The following ZNF783 variants were observed in gnomAD, a reference collection of about 807,000 sequenced individuals.
The protein encoded by ZNF783 is zinc finger protein 783, also known as protein ZNF783.
Under a neutral mutation model 31.3 loss-of-function variants are expected in ZNF783, and 25 were observed. The observed-to-expected ratio is 0.80, with a 90% CI of 0.58 to 1.11. The LOEUF is 1.11. Ranked by LOEUF, ZNF783 falls within the 50% of genes most tolerant of loss-of-function variation. The pLI, the probability that ZNF783 is intolerant of heterozygous loss-of-function variation, is 0.00. For synonymous variants in ZNF783, 369 were observed against 319.1 expected, an observed-to-expected ratio of 1.16 and a Z score of -1.66; for missense variants, 797 against 760.0, an observed-to-expected ratio of 1.05 and a Z score of -0.57.
In ZNF783 at chr7:149,267,003, G is replaced by A. The variant is rs1021538885; in HGVS notation, c.547+58G>A. 10 of 1,613,424 alleles carry A rather than the reference G, an allele frequency of 6.2e-6. No individual in the cohort carries two copies. The African/African-American group carries it at 1.2e-4, about 19-fold the overall frequency. ...TCCACAGGTTGTCTGTGGACAGTCTGTGTCTTTGCTTTGGCTTTTGGTACT... is the reference window on the plus strand; with the variant it reads ...TCCACAGGTTGTCTGTGGACAGTCTATGTCTTTGCTTTGGCTTTTGGTACT... On this transcript the variant is annotated intron_variant, in intron 3 of 5. Transcript: ENST00000434415.
At position 149,266,644 on chromosome 7, in the gene ZNF783, C is replaced by T. The variant is rs372926024; in HGVS notation, c.334C>T (p.Arg112Trp). ...LLQEYGLLQR[R>W]LENVENLLRN... is the part of the protein sequence containing the mutation. ...GCAGGAGTACGGGCTGCTGCAGAGGCGGCTGGAGAATGTGGAGAACTTGCT... is the reference window on the plus strand; with the variant it reads ...GCAGGAGTACGGGCTGCTGCAGAGGTGGCTGGAGAATGTGGAGAACTTGCT... Residue 112 changes from arginine to tryptophan, a missense_variant, in exon 2 of 6, where the codon CGG becomes TGG. Physicochemically the swap from Arg to Trp is moderately radical, Grantham distance 101. Coordinates refer to ENST00000434415, the MANE Select transcript of ZNF783 (RefSeq NM_001195220.2). 66 of 1,613,976 alleles carry T rather than the reference C, an allele frequency of 4.1e-5. No homozygotes were observed. The highest frequency in any genetic ancestry group is 1.1e-4 in the African/African-American group (8 of 74,894).
chr7:149,268,834 A>T (rs1321598849), intron 4 of ZNF783, among the ~76,000 whole-genome samples: 1 of 152,082 alleles, frequency 6.6e-6, no homozygotes, highest in Admixed American at 6.6e-5. Context: ...CATTTTCTTT[A>T]TTCAGTCCAC....
chr7:149,279,632 G>GTTTTTTTTTTTTTTTT (rs764203926), intron 5 of ZNF783, among the ~76,000 whole-genome samples: 1 of 100,342 alleles, frequency 1.0e-5, no homozygotes, highest in Non-Finnish European at 2.0e-5. Flanking sequence ...TTTTATCTTT[G>GTTTTTTTTTTTTTTTT]TTTTTTTTTT....
chr7:149,269,785 G>A (rs1219264554), intron 4 of ZNF783, among the ~76,000 whole-genome samples: 3 of 151,760 alleles, frequency 2.0e-5, no homozygotes, highest in Admixed American at 2.0e-4. Flanking sequence ...TCGTCACTTA[G>A]TATTAGGTAT....
chr7:149,266,510 T>G lies in ZNF783; in HGVS notation c.200T>G (p.Leu67Arg). ...TCCTGCCTGACCCGCTTGCTGACTC[T>G]GGAGGGGCGCACGGGGACAGCCGAG... ...VDSCLTRLLT[L>R]EGRTGTAEKK... is the part of the protein sequence containing the mutation. The change falls in exon 2 of 6, where the codon CTG (leucine) becomes CGG (arginine). Residue 67 changes from leucine to arginine, a missense_variant. Transcript: ENST00000434415. The G allele has an allele frequency of 6.2e-7, 1 of 1,613,918 alleles. No homozygotes were observed. The highest frequency in any genetic ancestry group is 8.5e-7 in the Non-Finnish European group (1 of 1,180,004).
intron 4 of ZNF783, among the ~76,000 whole-genome samples, chr7:149,274,211 T>G (rs1323099122): frequency 2.0e-5 from 3 of 152,148 alleles, no homozygotes; most frequent in African/African-American, 7.2e-5. Context: ...GGTCTTATAT[T>G]TAAGTTTTTA....
intron 5 of ZNF783, among the ~76,000 whole-genome samples, chr7:149,279,958 C>T (rs930994588): frequency 2.0e-4 from 31 of 151,688 alleles, no homozygotes; most frequent in Admixed American, 1.6e-3. Context: ...ATTGTCATCC[C>T]GGCCCGTTCT....
chr7:149,266,487 C>T lies in ZNF783; in HGVS notation c.177C>T (p.Ser59=). Reference sequence around the variant, plus strand: ...AGGCCTTGGAGAAGAAGGTGGATTCCTGCCTGACCCGCTTGCTGACTCTGG... The same window carrying T: ...AGGCCTTGGAGAAGAAGGTGGATTCTTGCCTGACCCGCTTGCTGACTCTGG... The part of the protein sequence containing the change: ...AIQALEKKVD[S]CLTRLLTLEG... The change falls in exon 2 of 6, where the codon TCC becomes TCT. Residue 59 remains serine (S), a synonymous_variant. Coordinates refer to ENST00000434415, the MANE Select transcript of ZNF783 (RefSeq NM_001195220.2). 1 of 1,613,144 alleles carries T rather than the reference C, an allele frequency of 6.2e-7. No homozygotes were observed. Among genetic ancestry groups the T allele is most frequent in the Non-Finnish European group, 8.5e-7 (1 of 1,180,028 alleles).
Position 149,266,445 on chromosome 7 carries a change from G to A in ZNF783, c.135G>A (p.Thr45=), listed in dbSNP as rs766903514. 1.4e-5 allele frequency: 22 copies of A among 1,606,448 alleles called. No individual in the cohort carries two copies. Among genetic ancestry groups the A allele is most frequent in the East Asian group, 8.9e-5 (4 of 44,878 alleles). Residue 45 remains threonine, a synonymous_variant, in exon 2 of 6, where the codon ACG becomes ACA. Transcript: ENST00000434415. ...YLYSTEITLW[T]VVAAIQALEK... is the part of the protein sequence containing the mutation. ...ACTCCACGGAAATCACACTGTGGAC[G>A]GTGGTGGCCGCCATTCAGGCCTTGG... is the stretch of plus-strand genomic sequence containing the variant.
chr7:149,280,117 CCCGGACAGGGCGG>C (rs1797429419), intron 5 of ZNF783, among the ~76,000 whole-genome samples: 1 of 105,696 alleles, frequency 9.5e-6, no homozygotes, highest in African/African-American at 3.0e-5. Context: ...CCACCTCCCT[CCCGGACAGGGCGG>C]CTGGCCGGGC....
chr7:149,270,330 A>G (rs1026047775), intron 4 of ZNF783, among the ~76,000 whole-genome samples: 1 of 152,152 alleles, frequency 6.6e-6, no homozygotes, highest in South Asian at 2.1e-4. Context: ...GAGTTTCACT[A>G]TATTGCCCAG....
At chr7:149,268,374 A>G (rs1264342272) in intron 4 of ZNF783, among the ~76,000 whole-genome samples, 1 of 152,240 alleles carries the variant, frequency 6.6e-6, no homozygotes, top group African/African-American at 2.4e-5. Context: ...TCTCTGAAGT[A>G]TATTAAAAAA....
At chr7:149,277,385 A>G (rs1025889077) in intron 4 of ZNF783, 3 of 151,888 alleles carry the variant, frequency 2.0e-5, no homozygotes, top group Non-Finnish European at 2.9e-5. Flanking sequence ...CATTCTGTCA[A>G]CTCTCACTGT....
chr7:149,263,000 C>T (rs1043466017), intron 1 of ZNF783, among the ~76,000 whole-genome samples: 29 of 152,140 alleles, frequency 1.9e-4, no homozygotes, highest in African/African-American at 6.3e-4. Context: ...ACGATCTCGG[C>T]TCACTGCAAG....
Position 149,282,094 on chromosome 7 carries a change from C to A in ZNF783, c.1392C>A (p.Gly464=). The change falls in exon 6 of 6, where the codon GGC becomes GGA. Residue 464 remains glycine (G), a synonymous_variant. Transcript: ENST00000434415. ...HQRLHTGNGQ[G]WPACPYCGKA... ...GCCTGCACACCGGCAATGGCCAGGG[C>A]TGGCCCGCCTGCCCCTACTGCGGCA... 6.3e-7 allele frequency: 1 copy of A among 1,596,836 alleles called. No homozygotes were observed. Among genetic ancestry groups the A allele is most frequent in the Middle Eastern group, 1.7e-4 (1 of 6,052 alleles).
rs1472093712 is a variant in ZNF783, at chr7:149,282,491, C to T, written c.*148C>T. Reference sequence around the variant, plus strand: ...GCCCTTCTGGTGACATTGTGTGTGACCGGGTGCTTTCTGTTTCCTGTTTGC... The same window carrying T: ...GCCCTTCTGGTGACATTGTGTGTGATCGGGTGCTTTCTGTTTCCTGTTTGC... On this transcript the variant is annotated 3_prime_UTR_variant, in exon 6 of 6. Coordinates refer to ENST00000434415, the MANE Select transcript of ZNF783 (RefSeq NM_001195220.2). 1.4e-5 allele frequency: 10 copies of T among 712,634 alleles called. No individual in the cohort carries two copies. The highest frequency in any genetic ancestry group is 1.5e-5 in the Non-Finnish European group (7 of 453,300). 44.1% of individuals were successfully genotyped at this position (712,634 alleles called of 1,614,324 possible). A position where few individuals can be genotyped will look rare whatever the true frequency, so the allele number is the denominator to read the frequency against.
At position 149,284,488 on chromosome 7, in the gene ZNF783, C is replaced by G. The variant is rs1446210678; in HGVS notation, c.*2145C>G. 1 of 152,352 alleles carries G rather than the reference C, an allele frequency of 6.6e-6. No individual in the cohort carries two copies. The highest frequency in any genetic ancestry group is 1.5e-5 in the Non-Finnish European group (1 of 68,160). The allele number at this position is 152,352 out of a possible 1,614,324, so 9.4% of individuals were successfully genotyped here. A position where few individuals can be genotyped will look rare whatever the true frequency, so the allele number is the denominator to read the frequency against. On this transcript the variant is annotated 3_prime_UTR_variant, in exon 6 of 6. Transcript: ENST00000434415. ...CCACCCTTGCCAGGAGCTTCACAAACCAGAGACGGGCTGTCAGCAAGAGCT... is the reference window on the plus strand; with the variant it reads ...CCACCCTTGCCAGGAGCTTCACAAAGCAGAGACGGGCTGTCAGCAAGAGCT...
chr7:149,268,802 A>G, intron 4 of ZNF783, among the ~76,000 whole-genome samples: 1 of 152,232 alleles, frequency 6.6e-6, no homozygotes, highest in East Asian at 1.9e-4. Flanking sequence ...GCTATGTAAT[A>G]TTCCATGGTG....
chr7:149,281,881 G>A lies in ZNF783; in HGVS notation c.1179G>A (p.Met393Ile). 6.6e-7 allele frequency: 1 copy of A among 1,509,332 alleles called. No homozygotes were observed. The highest frequency in any genetic ancestry group is 8.8e-7 in the Non-Finnish European group (1 of 1,135,700). 93.5% of individuals were successfully genotyped at this position (1,509,332 alleles called of 1,614,324 possible). ...SPTSCGDSQA[M>I]LEPGEVVVPG... is the part of the protein sequence containing the mutation. ...CCAGCTGCGGGGACAGCCAGGCCAT[G>A]CTGGAGCCGGGGGAGGTGGTGGTAC... is the stretch of plus-strand genomic sequence containing the variant. The change falls in exon 6 of 6, where the codon ATG (methionine) becomes ATA (isoleucine). Residue 393 changes from methionine to isoleucine, a missense_variant. Coordinates refer to ENST00000434415, the MANE Select transcript of ZNF783 (RefSeq NM_001195220.2).
Sources: gnomAD v4.1 joint callset for allele counts (sites outside exome capture counted in the v4.1 genomes callset) on GRCh38, gnomAD v4.1.1 for gene constraint, MANE v1.5 for transcripts, NCBI Gene and HGNC (gene_info 2026-07-23, HGNC 2026-07-21) for gene names.